The following COL22A1 variants were observed in gnomAD, a reference collection of about 807,000 sequenced individuals.
COL22A1 encodes the protein collagen alpha-1(XXII) chain.
A neutral mutation model predicts 248.9 loss-of-function variants in COL22A1; 221 were observed. The ratio of observed to expected loss-of-function variants is 0.89; its 90% confidence interval spans 0.80 to 0.99. The LOEUF (loss-of-function observed/expected upper bound fraction) is 0.99, where lower values mean the gene tolerates loss of function less well. Among genes scored for constraint, COL22A1 ranks in the 50% least tolerant of loss-of-function variants. COL22A1 has a pLI of 0.00. For synonymous variants in COL22A1, 891 were observed against 793.4 expected, an observed-to-expected ratio of 1.12 and a Z score of -2.07; for missense variants, 2,240 against 2,179.0, an observed-to-expected ratio of 1.03 and a Z score of -0.56.
At chr8:138,628,961 T>G (rs1820487361) in intron 50 of COL22A1, among the ~76,000 whole-genome samples, 1 of 151,970 alleles carries the variant, frequency 6.6e-6, no homozygotes, top group Non-Finnish European at 1.5e-5. Flanking sequence ...GAGACAGCGT[T>G]TCACAGCCAG....
intron 1 of COL22A1, among the ~76,000 whole-genome samples, chr8:138,899,648 T>TG: frequency 6.6e-6 from 1 of 152,152 alleles, no homozygotes; most frequent in Non-Finnish European, 1.5e-5. Flanking sequence ...CTCAGCCTCC[T>TG]GGGTAGCTGG....
At chr8:138,607,812 C>T (rs1818543603) in intron 57 of COL22A1, 124 bp downstream of exon 57, 1 of 848,208 alleles carries the variant, frequency 1.2e-6, no homozygotes, top group Admixed American at 2.8e-5. Flanking sequence ...CTATTTCTAC[C>T]ACTCAAACCC....
chr8:138,647,079 T>C (rs950113333), intron 46 of COL22A1, among the ~76,000 whole-genome samples: 1 of 152,190 alleles, frequency 6.6e-6, no homozygotes, highest in Non-Finnish European at 1.5e-5. Flanking sequence ...CACCTTGGCC[T>C]GCTACCATCC....
chr8:138,690,051 G>T (rs1395717860), intron 36 of COL22A1, among the ~76,000 whole-genome samples: 1 of 152,248 alleles, frequency 6.6e-6, no homozygotes, highest in Non-Finnish European at 1.5e-5. Flanking sequence ...TCCTCCAGCA[G>T]GGTTGCTGTG....
Position 138,812,974 on chromosome 8 carries a change from C to T in COL22A1, c.1291G>A (p.Glu431Lys). Residue 431 changes from glutamate to lysine, a missense_variant, in exon 8 of 65, where the codon GAA (glutamate) becomes AAA (lysine). By Grantham distance (56) the Glu-to-Lys change is moderately conservative. Transcript: ENST00000303045. ...GGGATATCACAACAAGTCTCCAATT[C>T]TGCGTGTCTCGAGTCACAATAGATC... ...IVIYCDSRHA[E>K]LETCCDIPSG... 6.2e-7 allele frequency: 1 copy of T among 1,614,060 alleles called. No homozygotes were observed. Among genetic ancestry groups the T allele is most frequent in the Non-Finnish European group, 8.5e-7 (1 of 1,179,968 alleles).
chr8:138,725,570 C>T (rs752854514), intron 23 of COL22A1, 130 bp from the exon 24 acceptor site: 47 of 743,286 alleles, frequency 6.3e-5, no homozygotes, highest in Non-Finnish European at 8.5e-5. Context: ...ATTTGTAATG[C>T]CTGATTTTTC....
chr8:138,716,348 G>A, intron 28 of COL22A1, 59 bp from the exon 29 acceptor site: 1 of 1,216,130 alleles, frequency 8.2e-7, no homozygotes. Context: ...GGGCCAAGCT[G>A]CAGGCCATGT....
chr8:138,830,465 A>G (rs2131810152), intron 5 of COL22A1, among the ~76,000 whole-genome samples: 1 of 152,376 alleles, frequency 6.6e-6, no homozygotes. Flanking sequence ...AATTAAAAGT[A>G]TAATATCCTT....
Position 138,751,459 on chromosome 8 carries a change from C to T in COL22A1, c.2084G>A (p.Arg695Gln), listed in dbSNP as rs764495845. Residue 695 changes from arginine to glutamine, a missense_variant and splice_region_variant, in exon 22 of 65, where the codon CGA (arginine) becomes CAA (glutamine). Physicochemically the swap from Arg to Gln is conservative, Grantham distance 43 (BLOSUM62 1). Coordinates refer to ENST00000303045, the MANE Select transcript of COL22A1 (RefSeq NM_152888.3). ...RDGPPGLQGL[R>Q]GKKGDMGPPG... ...ACAAAGAAAAGAGAGTTTACTTACT[C>T]GGAGACCTTGCAAACCAGGAGGTCC... 1.1e-5 allele frequency: 18 copies of T among 1,610,010 alleles called. No homozygotes were observed. The highest frequency in any genetic ancestry group is 1.6e-4 in the Middle Eastern group (1 of 6,070).
At chr8:138,670,236 C>T (rs1403990957) in intron 41 of COL22A1, among the ~76,000 whole-genome samples, 16 of 152,168 alleles carry the variant, frequency 1.1e-4, no homozygotes, top group Admixed American at 1.0e-3. Flanking sequence ...TGGCTCAGCT[C>T]CTGGTTATAC....
intron 51 of COL22A1, among the ~76,000 whole-genome samples, chr8:138,624,899 G>T (rs1820112928): frequency 6.6e-6 from 1 of 152,184 alleles, no homozygotes; most frequent in Non-Finnish European, 1.5e-5. Flanking sequence ...GTCAATATTT[G>T]CTGTGTGCTC....
chr8:138,662,088 A>T lies in COL22A1; in HGVS notation c.3187-5T>A. On this transcript the variant is annotated splice_polypyrimidine_tract_variant and splice_region_variant and intron_variant, in intron 42 of 64. Coordinates refer to ENST00000303045, the MANE Select transcript of COL22A1 (RefSeq NM_152888.3). Reference sequence around the variant, plus strand: ...TCCAGGTAAGCCTCGTGATCCCTGAAGAAAAAGAAAAGAAGACACTGACAC... The same window carrying T: ...TCCAGGTAAGCCTCGTGATCCCTGATGAAAAAGAAAAGAAGACACTGACAC... The T allele has an allele frequency of 6.2e-7, 1 of 1,611,838 alleles. No individual in the cohort carries two copies. The highest frequency in any genetic ancestry group is 8.5e-7 in the Non-Finnish European group (1 of 1,178,902).
At chr8:138,615,912 A>C in intron 55 of COL22A1, 89 bp downstream of exon 55, 1 of 932,588 alleles carries the variant, frequency 1.1e-6, no homozygotes, top group Non-Finnish European at 1.7e-6. Flanking sequence ...TGCTGCCACC[A>C]GCCATTGTGG....
intron 63 of COL22A1, among the ~76,000 whole-genome samples, chr8:138,592,966 C>A (rs1029969026): frequency 6.6e-6 from 1 of 152,044 alleles, no homozygotes; most frequent in African/African-American, 2.4e-5. Context: ...TGGAACCAAC[C>A]CAAATGCCCA....
At chr8:138,903,410 TG>T in intron 1 of COL22A1, among the ~76,000 whole-genome samples, 1 of 152,200 alleles carries the variant, frequency 6.6e-6, no homozygotes. Context: ...GTTTTATGCT[TG>T]GGGTAACATG....
chr8:138,779,731 A>G (rs578073667), intron 13 of COL22A1, among the ~76,000 whole-genome samples, 169 bp from the exon 14 acceptor site: 3 of 152,336 alleles, frequency 2.0e-5, no homozygotes, highest in South Asian at 2.1e-4. Context: ...TGCTATTTCT[A>G]TAAGCAAAGA....
chr8:138,720,656 A>T (rs190535174), intron 27 of COL22A1, 83 bp downstream of exon 27: 2 of 1,113,732 alleles, frequency 1.8e-6, no homozygotes, highest in Non-Finnish European at 2.8e-6. Context: ...CGCTATGCTT[A>T]TGGTAAGTCG....
At chr8:138,669,885 C>CTTTTT (rs34714342) in intron 41 of COL22A1, among the ~76,000 whole-genome samples, 5 of 121,222 alleles carry the variant, frequency 4.1e-5, no homozygotes, top group African/African-American at 8.9e-5. Context: ...ACTCCTAAGA[C>CTTTTT]TTTTTTTTTT....
At chr8:138,790,373 G>A (rs1316832544) in intron 12 of COL22A1, among the ~76,000 whole-genome samples, 1 of 152,118 alleles carries the variant, frequency 6.6e-6, no homozygotes, top group Non-Finnish European at 1.5e-5. Flanking sequence ...ATCACCTTGG[G>A]GGTTAGGATT....
Sources: gnomAD v4.1 joint callset for allele counts (sites outside exome capture counted in the v4.1 genomes callset) on GRCh38, gnomAD v4.1.1 for gene constraint, MANE v1.5 for transcripts, NCBI Gene and HGNC (gene_info 2026-07-23, HGNC 2026-07-21) for gene names.